Variants in PARVB observed in about 807,000 individuals in gnomAD.
PARVB encodes parvin beta, also known as beta-parvin.
Under a neutral mutation model 47.0 loss-of-function variants are expected in PARVB, and 46 were observed. The observed-to-expected ratio is 0.98, with a 90% CI of 0.77 to 1.25. The LOEUF is 1.25. PARVB is among the 50% of genes most tolerant of loss of function. The pLI is 0.00. For synonymous variants in PARVB, 196 were observed against 196.3 expected (o/e 1.00, Z 0.01); for missense variants, 473 against 471.6 (o/e 1.00, Z -0.03).
chr22:44,069,067 C>T (rs1428312814), intron 1 of PARVB: 8 of 1,581,826 alleles, frequency 5.1e-6, no homozygotes, highest in Admixed American at 1.7e-5. Flanking sequence ...GCCCCTGCCA[C>T]GTCCCTATAT....
At chr22:44,161,687 A>T (rs1228819929) in intron 11 of PARVB, among the ~76,000 whole-genome samples, 1 of 152,126 alleles carries the variant, frequency 6.6e-6, no homozygotes, top group Non-Finnish European at 1.5e-5. Context: ...AAGGAAGATG[A>T]TATTCACCTC....
intron 8 of PARVB, chr22:44,146,229 C>G (rs1043428522): frequency 6.6e-6 from 1 of 150,796 alleles, no homozygotes; most frequent in South Asian, 2.1e-4. Flanking sequence ...CACATGGACA[C>G]ACGCTCACAC....
intron 1 of PARVB, among the ~76,000 whole-genome samples, chr22:44,069,717 C>T (rs542849352): frequency 8.4e-4 from 128 of 152,118 alleles, no homozygotes; most frequent in Non-Finnish European, 1.4e-3. Context: ...TTAGTAGAGA[C>T]GGGGTTTCAT....
At chr22:44,015,544 C>T (rs945633765) in intron 2 of PARVB, among the ~76,000 whole-genome samples, 4 of 152,150 alleles carry the variant, frequency 2.6e-5, no homozygotes, top group Admixed American at 6.5e-5. Context: ...TGGGGCTGGG[C>T]GCGGTGACTC....
chr22:44,026,284 G>C, intron 1 of PARVB: 2 of 983,472 alleles, frequency 2.0e-6, no homozygotes, highest in Non-Finnish European at 2.4e-6. Context: ...CAAGAATTCC[G>C]GTAGCAGGAA....
intron 4 of PARVB, among the ~76,000 whole-genome samples, chr22:44,119,407 G>A (rs1272309777): frequency 6.6e-6 from 1 of 152,200 alleles, no homozygotes; most frequent in East Asian, 1.9e-4. Context: ...CCATCCTGTT[G>A]GGTCTCAGGC....
chr22:43,999,834 G>GAAA (rs113458130), intron 2 of PARVB, among the ~76,000 whole-genome samples: 2,987 of 69,108 alleles, frequency 0.043, 237 homozygotes, highest in African/African-American at 0.13. Context: ...CCATCTATAT[G>GAAA]AAAAAAAAAA....
At chr22:44,164,011 C>A in intron 12 of PARVB, 81 bp downstream of exon 12, 1 of 1,104,582 alleles carries the variant, frequency 9.1e-7, no homozygotes, top group Non-Finnish European at 1.3e-6. Flanking sequence ...GGCTGGAAGG[C>A]TGGCATGTTG....
At chr22:44,133,642 G>A (rs576155269) in intron 6 of PARVB, among the ~76,000 whole-genome samples, 7 of 152,162 alleles carry the variant, frequency 4.6e-5, no homozygotes, top group East Asian at 3.9e-4. Flanking sequence ...GGGCTCAAGC[G>A]GTCCTCCCGC....
intron 11 of PARVB, among the ~76,000 whole-genome samples, chr22:44,158,350 A>G (rs2053981414): frequency 6.6e-6 from 1 of 152,188 alleles, no homozygotes; most frequent in African/African-American, 2.4e-5. Context: ...TTGTGATCAC[A>G]TCTCGGTAGA....
At chr22:44,090,702 C>T (rs1380364678) in intron 1 of PARVB, among the ~76,000 whole-genome samples, 3 of 152,228 alleles carry the variant, frequency 2.0e-5, no homozygotes, top group Admixed American at 2.0e-4. Flanking sequence ...CCTGTGTAAT[C>T]CTCCACACAT....
chr22:44,086,420 T>C (rs2052025591), intron 1 of PARVB, among the ~76,000 whole-genome samples: 2 of 152,208 alleles, frequency 1.3e-5, no homozygotes, highest in Admixed American at 1.3e-4. Flanking sequence ...TTGTTATTCC[T>C]CCGATTTGTA....
chr22:44,100,403 T>G (rs557005224), intron 3 of PARVB, among the ~76,000 whole-genome samples: 2 of 152,114 alleles, frequency 1.3e-5, no homozygotes, highest in South Asian at 4.2e-4. Flanking sequence ...ATTTTAGGAT[T>G]AGGAATGAGT....
In PARVB at chr22:44,171,494, C is replaced by CAGA. The variant is rs1555914983; in HGVS notation, c.*2817_*2818insGAA. On this transcript the variant is annotated 3_prime_UTR_variant, in exon 13 of 13. Transcript: ENST00000338758. ...TGAGCAACAGAGTGAGACTCTGTCT[C>CAGA]AAAAAAAAAAAAGAAAGAAAAAAGA... 7.2e-5 allele frequency: 10 copies of CAGA among 139,166 alleles called. No individual in the cohort carries two copies. The East Asian group carries it at 2.1e-3, about 29-fold the overall frequency. 8.6% of individuals were successfully genotyped at this position (139,166 alleles called of 1,614,324 possible). A position where few individuals can be genotyped will look rare whatever the true frequency, so the allele number is the denominator to read the frequency against.
intron 4 of PARVB, among the ~76,000 whole-genome samples, chr22:44,120,758 C>G (rs1017280642): frequency 3.3e-5 from 5 of 152,004 alleles, no homozygotes; most frequent in Admixed American, 1.3e-4. Context: ...TCACTGCACC[C>G]TCAAACTCCT....
chr22:44,017,122 G>C (rs2050591920), intron 2 of PARVB, among the ~76,000 whole-genome samples: 1 of 152,098 alleles, frequency 6.6e-6, no homozygotes, highest in African/African-American at 2.4e-5. Context: ...TGATCTGCCT[G>C]CCTCAGCCTC....
intron 1 of PARVB, among the ~76,000 whole-genome samples, chr22:44,037,051 A>C (rs978918385): frequency 1.3e-4 from 19 of 151,850 alleles, no homozygotes; most frequent in African/African-American, 4.4e-4. Context: ...TTAAAAACAA[A>C]AAAAAAATGC....
rs543826137 is a variant in PARVB at position 44,102,098 on chromosome 22, G to A, written c.273+1975G>A. ...GCCATCTGCAAGCTAGAAAGCTGGA[G>A]GGCCAGTGGTAGAGATGCCAGCCTG... On this transcript the variant is annotated intron_variant, in intron 3 of 12. Transcript: ENST00000338758. 2.6e-5 allele frequency among the ~76,000 whole-genome samples: 4 copies of A among 152,324 alleles called. No homozygotes were observed. The South Asian group carries it at 8.3e-4, about 32-fold the overall frequency.
chr22:44,076,399 T>C (rs1467835881), intron 1 of PARVB, among the ~76,000 whole-genome samples: 7 of 152,180 alleles, frequency 4.6e-5, no homozygotes, highest in Admixed American at 2.0e-4. Context: ...TGCCAGAAAT[T>C]CGTTCTCCTC....
Sources: gnomAD v4.1 joint callset for allele counts (sites outside exome capture counted in the v4.1 genomes callset) on GRCh38, gnomAD v4.1.1 for gene constraint, MANE v1.5 for transcripts, NCBI Gene and HGNC (gene_info 2026-07-23, HGNC 2026-07-21) for gene names.